Variants in POU2AF2 observed in about 807,000 individuals in gnomAD.
POU2AF2 encodes POU domain class 2-associating factor 2.
the POU2AF2 span, among the ~76,000 whole-genome samples, chr11:111,262,853 A>T: frequency 6.6e-6 from 1 of 152,240 alleles, no homozygotes; most frequent in African/African-American, 2.4e-5. Flanking sequence ...ACATATATAT[A>T]GTAAAATTTC....
the POU2AF2 span, among the ~76,000 whole-genome samples, chr11:111,250,189 T>G: frequency 2.6e-5 from 4 of 151,630 alleles, no homozygotes; most frequent in Admixed American, 2.0e-4. Context: ...GGTTGGGGGG[T>G]GTGTGTGTCT....
At chr11:111,245,848 T>C in the POU2AF2 span, 1 of 398,914 alleles carries the variant, frequency 2.5e-6, no homozygotes, top group Non-Finnish European at 4.4e-6. Flanking sequence ...ACCAGAAACA[T>C]CCAGAATGGA....
chr11:111,284,199 G>C, the POU2AF2 span: 1 of 1,614,210 alleles, frequency 6.2e-7, no homozygotes, highest in Non-Finnish European at 8.5e-7. Context: ...CCGTTTCCCT[G>C]TGAGTCCTCC....
the POU2AF2 span, among the ~76,000 whole-genome samples, chr11:111,246,835 C>T: frequency 2.6e-5 from 4 of 152,072 alleles, no homozygotes; most frequent in Non-Finnish European, 4.4e-5. Flanking sequence ...CAGCTAAAAT[C>T]TACTTATTTA....
At chr11:111,268,301 T>C in the POU2AF2 span, among the ~76,000 whole-genome samples, 1 of 152,104 alleles carries the variant, frequency 6.6e-6, no homozygotes, top group African/African-American at 2.4e-5. Context: ...AAATACGGTC[T>C]TCTCTGATTT....
At chr11:111,282,370 TA>T in the POU2AF2 span, among the ~76,000 whole-genome samples, 1 of 152,224 alleles carries the variant, frequency 6.6e-6, no homozygotes, top group Non-Finnish European at 1.5e-5. Flanking sequence ...CCCAAGGAAG[TA>T]TGCTTATAAT....
At chr11:111,245,901 TAATCC>T in the POU2AF2 span, 1 of 398,810 alleles carries the variant, frequency 2.5e-6, no homozygotes, top group Non-Finnish European at 4.4e-6. Flanking sequence ...AAAAAAACTT[TAATCC>T]TAATTTTTAT....
chr11:111,276,453 A>AAATATAGATATATATATATAT, the POU2AF2 span, among the ~76,000 whole-genome samples: 2 of 37,692 alleles, frequency 5.3e-5, no homozygotes, highest in Non-Finnish European at 1.0e-4. Flanking sequence ...AAAAAAAAAA[A>AAATATAGATATATATATATAT]ATATATATAT....
the POU2AF2 span, among the ~76,000 whole-genome samples, chr11:111,272,489 A>G: frequency 1.3e-5 from 2 of 152,224 alleles, no homozygotes; most frequent in African/African-American, 4.8e-5. Flanking sequence ...CTCACACTCT[A>G]CAGAGTACAT....
chr11:111,245,934 C>A, the POU2AF2 span: 2 of 397,790 alleles, frequency 5.0e-6, no homozygotes, highest in South Asian at 2.6e-4. Context: ...AACACAAAGT[C>A]ATAACATAAA....
At chr11:111,276,453 A>AAAAAAAAAAAAAAAAAAAAAAAAAAT in the POU2AF2 span, among the ~76,000 whole-genome samples, 1 of 37,676 alleles carries the variant, frequency 2.7e-5, no homozygotes, top group African/African-American at 9.6e-5. Flanking sequence ...AAAAAAAAAA[A>AAAAAAAAAAAAAAAAAAAAAAAAAAT]ATATATATAT....
chr11:111,264,580 G>C, the POU2AF2 span, among the ~76,000 whole-genome samples: 1 of 121,822 alleles, frequency 8.2e-6, no homozygotes, highest in Non-Finnish European at 1.9e-5. Flanking sequence ...AAGAAAGGGA[G>C]AGAGAAAGAC....
the POU2AF2 span, among the ~76,000 whole-genome samples, chr11:111,257,454 G>C: frequency 6.6e-6 from 1 of 151,438 alleles, no homozygotes; most frequent in South Asian, 2.1e-4. Context: ...CTGCCTCCCA[G>C]GTTCAAGCGA....
chr11:111,259,834 C>G, the POU2AF2 span, among the ~76,000 whole-genome samples: 1 of 152,116 alleles, frequency 6.6e-6, no homozygotes, highest in African/African-American at 2.4e-5. Flanking sequence ...ATCATATTAC[C>G]CAGCATCTCA....
chr11:111,247,191 C>CAGAGAGAGAGAGAGAGAG, the POU2AF2 span, among the ~76,000 whole-genome samples: 1,566 of 144,818 alleles, frequency 0.011, 20 homozygotes, highest in South Asian at 0.058. Context: ...TACACACACA[C>CAGAGAGAGAGAGAGAGAG]AGAGAGAGAG....
At chr11:111,253,904 T>C in the POU2AF2 span, among the ~76,000 whole-genome samples, 3 of 152,304 alleles carry the variant, frequency 2.0e-5, no homozygotes, top group East Asian at 5.8e-4. Context: ...TACCTTGCTT[T>C]AAGCCCCAAC....
the POU2AF2 span, among the ~76,000 whole-genome samples, chr11:111,273,986 A>G: frequency 1.3e-5 from 2 of 152,188 alleles, no homozygotes; most frequent in Non-Finnish European, 2.9e-5. Flanking sequence ...TGGGCTCTTC[A>G]ATGTTAATTT....
chr11:111,248,127 C>T, the POU2AF2 span, among the ~76,000 whole-genome samples: 2 of 151,968 alleles, frequency 1.3e-5, no homozygotes, highest in Non-Finnish European at 2.9e-5. Flanking sequence ...ACCTTGTGAT[C>T]CGTGTGGCCT....
the POU2AF2 span, among the ~76,000 whole-genome samples, chr11:111,267,707 G>A: frequency 0.012 from 1,876 of 152,184 alleles, 27 homozygotes; most frequent in Non-Finnish European, 0.021. Context: ...TGCTGTCTCT[G>A]GTGACCCACC....
Sources: allele counts gnomAD v4.1 joint callset (sites outside exome capture counted in the v4.1 genomes callset), GRCh38; gene constraint gnomAD v4.1.1; transcripts MANE v1.5; gene names NCBI Gene and HGNC (gene_info 2026-07-23, HGNC 2026-07-21).